GNPDA2: variants seen among roughly 807,000 people sequenced by gnomAD.
GNPDA2 encodes the protein glcN6P deaminase 2.
Under a neutral mutation model 27.0 loss-of-function variants are expected in GNPDA2, and 24 were observed. That is an observed-to-expected ratio of 0.89 (90% CI 0.64 to 1.25). The LOEUF is 1.25. Ranked by LOEUF, GNPDA2 falls within the 50% of genes most tolerant of loss-of-function variation. GNPDA2 has a pLI of 0.00. For missense variants in GNPDA2, 286 were observed against 335.1 expected (o/e 0.85, Z 1.14); for synonymous variants, 94 against 108.4 (o/e 0.87, Z 0.83).
intron 1 of GNPDA2, among the ~76,000 whole-genome samples, chr4:44,725,548 G>A (rs914864092): frequency 6.6e-6 from 1 of 152,164 alleles, no homozygotes; most frequent in Non-Finnish European, 1.5e-5. Context: ...CTGAAACGAA[G>A]TTTAAGCAAG....
chr4:44,703,666 C>G, intron 6 of GNPDA2: 1 of 984,254 alleles, frequency 1.0e-6, no homozygotes, highest in Non-Finnish European at 1.2e-6. Flanking sequence ...GTTACTAAAA[C>G]AAGACAGAAA....
intron 2 of GNPDA2, among the ~76,000 whole-genome samples, chr4:44,719,119 A>G (rs546827794): frequency 9.2e-5 from 14 of 152,098 alleles, no homozygotes; most frequent in Middle Eastern, 3.4e-3. Flanking sequence ...AAATAAATAT[A>G]TTTAGCCACT....
chr4:44,710,620 A>G (rs1490809576), intron 5 of GNPDA2, among the ~76,000 whole-genome samples: 1 of 152,188 alleles, frequency 6.6e-6, no homozygotes, highest in Non-Finnish European at 1.5e-5. Flanking sequence ...GCATTGCATC[A>G]TTGTCCCAAC....
intron 2 of GNPDA2, among the ~76,000 whole-genome samples, chr4:44,721,521 A>C (rs1490642727): frequency 6.6e-6 from 1 of 152,112 alleles, no homozygotes; most frequent in Non-Finnish European, 1.5e-5. Context: ...GAGAATGCTT[A>C]ATGGAAAACT....
chr4:44,717,327 T>G, intron 3 of GNPDA2, 32 bp from the exon 4 acceptor site: 1 of 1,203,784 alleles, frequency 8.3e-7, no homozygotes, highest in Non-Finnish European at 1.2e-6. Context: ...ATATAAGTAT[T>G]CCTGAAATAA....
At chr4:44,705,463 T>TG (rs1166072992) in intron 6 of GNPDA2, 2 of 985,076 alleles carry the variant, frequency 2.0e-6, no homozygotes. Flanking sequence ...GTCCTCTTGA[T>TG]GCAGTGCAGC....
chr4:44,716,340 A>G (rs1349411085), intron 4 of GNPDA2, among the ~76,000 whole-genome samples: 1 of 151,932 alleles, frequency 6.6e-6, no homozygotes, highest in Non-Finnish European at 1.5e-5. Context: ...GATAATTTAC[A>G]GCATTAGTAT....
At chr4:44,712,520 T>C (rs1717039514) in intron 4 of GNPDA2, among the ~76,000 whole-genome samples, 2 of 110,214 alleles carry the variant, frequency 1.8e-5, no homozygotes, top group East Asian at 2.3e-4. Context: ...CTATTAAGTA[T>C]GTATCTGCTT....
chr4:44,718,708 T>C (rs1404025916), intron 2 of GNPDA2, among the ~76,000 whole-genome samples: 2 of 151,978 alleles, frequency 1.3e-5, no homozygotes, highest in African/African-American at 2.4e-5. Context: ...TTCTAGAATA[T>C]ATAACTGACT....
intron 1 of GNPDA2, 81 bp downstream of exon 1, chr4:44,726,393 C>T (rs1286947762): frequency 3.9e-5 from 6 of 152,394 alleles, no homozygotes; most frequent in African/African-American, 1.4e-4. Context: ...GCACAAAGGC[C>T]GCACAGGGCG....
chr4:44,702,935 A>G lies in GNPDA2; in HGVS notation c.*146T>C. 5 of 1,474,740 alleles carry G rather than the reference A, an allele frequency of 3.4e-6. No individual in the cohort carries two copies. The highest frequency in any genetic ancestry group is 8.9e-7 in the Non-Finnish European group (1 of 1,122,762). The allele number at this position is 1,474,740 out of a possible 1,614,324, so 91.4% of individuals were successfully genotyped here. A position where few individuals can be genotyped will look rare whatever the true frequency, so the allele number is the denominator to read the frequency against. On this transcript the variant is annotated 3_prime_UTR_variant, in exon 7 of 7. Transcript: ENST00000295448. ...AGTACAAGATATAAATATTCAAAAT[A>G]TGGAATGTTTAACATAGAGACTCGA... is the stretch of plus-strand genomic sequence containing the variant.
At chr4:44,719,644 G>C (rs568594815) in intron 2 of GNPDA2, among the ~76,000 whole-genome samples, 1 of 151,942 alleles carries the variant, frequency 6.6e-6, no homozygotes, top group South Asian at 2.1e-4. Context: ...AAGGATAAGT[G>C]AATCTCTTCT....
chr4:44,718,094 A>G (rs1415924790), intron 3 of GNPDA2, among the ~76,000 whole-genome samples: 2 of 151,888 alleles, frequency 1.3e-5, no homozygotes, highest in African/African-American at 4.8e-5. Flanking sequence ...CTAGTCCTTC[A>G]TTCCTTCCAC....
intron 2 of GNPDA2, 32 bp from the exon 3 acceptor site, chr4:44,718,442 T>A (rs765911422): frequency 1.3e-6 from 1 of 754,636 alleles, no homozygotes; most frequent in African/African-American, 1.8e-5. Flanking sequence ...TTTTCTAAAA[T>A]GACTTAATAA....
intron 5 of GNPDA2, 25 bp downstream of exon 5, chr4:44,710,928 A>T (rs1336005120): frequency 1.7e-5 from 25 of 1,512,422 alleles, no homozygotes; most frequent in Non-Finnish European, 2.0e-5. Flanking sequence ...GAAAAGAAAG[A>T]CAGCAAAGAA....
At chr4:44,710,636 T>C (rs146782160) in intron 5 of GNPDA2, among the ~76,000 whole-genome samples, 62 of 152,338 alleles carry the variant, frequency 4.1e-4, no homozygotes, top group Non-Finnish European at 8.4e-4. Context: ...CCAACAGTCC[T>C]GTCATGAGAC....
chr4:44,716,713 C>T (rs1717314971), intron 4 of GNPDA2, among the ~76,000 whole-genome samples: 1 of 151,842 alleles, frequency 6.6e-6, no homozygotes, highest in South Asian at 2.1e-4. Context: ...GTTCCTCATG[C>T]AAACGTTTAA....
chr4:44,716,436 T>C (rs1356089621), intron 4 of GNPDA2, among the ~76,000 whole-genome samples: 1 of 151,956 alleles, frequency 6.6e-6, no homozygotes, highest in African/African-American at 2.4e-5. Flanking sequence ...ATTAGCTAGC[T>C]GTCTGCGATA....
rs537762333 is a variant in GNPDA2, at chr4:44,705,170, G to C, written c.770-2028C>G. On this transcript the variant is annotated intron_variant, in intron 6 of 6. Coordinates refer to ENST00000295448, the MANE Select transcript of GNPDA2 (RefSeq NM_138335.3). ...AGAAGAAAGGGTAGTGATGTGAATG[G>C]AATTTGAAGAGTTATGGATGACAAT... 37 of 983,520 alleles carry C rather than the reference G, an allele frequency of 3.8e-5. No homozygotes were observed. The Admixed American group carries it at 6.2e-4, about 16-fold the overall frequency. 60.9% of individuals were successfully genotyped at this position (983,520 alleles called of 1,614,324 possible).
Sources: allele counts gnomAD v4.1 joint callset (sites outside exome capture counted in the v4.1 genomes callset), GRCh38; gene constraint gnomAD v4.1.1; transcripts MANE v1.5; gene names NCBI Gene and HGNC (gene_info 2026-07-23, HGNC 2026-07-21).